The following TNS3 variants were observed in gnomAD, a reference collection of about 807,000 sequenced individuals.
TNS3 encodes the protein tensin 3, also known as tensin-3.
TNS3 carries 45 observed loss-of-function variants against 140.9 expected under a neutral mutation model. That is an observed-to-expected ratio of 0.32 (90% confidence interval 0.25 to 0.41). The LOEUF is 0.41. Ranked by LOEUF, TNS3 falls within the 10% of genes least tolerant of loss-of-function variation. The pLI is 1.00. For missense variants in TNS3, 1,716 were observed against 1,906.7 expected (o/e 0.90, Z 1.86); for synonymous variants, 815 against 788.4 (o/e 1.03, Z -0.56).
chr7:47,389,184 CAGA>C (rs145260005), intron 16 of TNS3, among the ~76,000 whole-genome samples: 44,697 of 75,496 alleles, frequency 0.59, 16,139 homozygotes, highest in South Asian at 0.68. Context: ...GCAGAAGAAG[CAGA>C]AGAAGAAGAA....
At chr7:47,553,335 T>C (rs1219644562) in intron 1 of TNS3, among the ~76,000 whole-genome samples, 2 of 152,210 alleles carry the variant, frequency 1.3e-5, no homozygotes, top group South Asian at 2.1e-4. Context: ...AGGACTTTCA[T>C]AGCCAGAGAG....
At chr7:47,515,511 G>A (rs1008584569) in intron 2 of TNS3, among the ~76,000 whole-genome samples, 1 of 151,398 alleles carries the variant, frequency 6.6e-6, no homozygotes, top group African/African-American at 2.4e-5. Flanking sequence ...CCATCATCAT[G>A]TCAACATAAT....
chr7:47,294,156 A>G (rs1230791100), intron 24 of TNS3, among the ~76,000 whole-genome samples: 2 of 150,738 alleles, frequency 1.3e-5, no homozygotes, highest in African/African-American at 4.9e-5. Context: ...CAGCTAAGAA[A>G]GAGGATCATG....
intron 16 of TNS3, among the ~76,000 whole-genome samples, chr7:47,379,209 G>A (rs1323862476): frequency 6.6e-6 from 1 of 152,220 alleles, no homozygotes; most frequent in East Asian, 1.9e-4. Flanking sequence ...AGGGGCTGCA[G>A]ACACCGAAAG....
chr7:47,387,738 C>A (rs1792156536), intron 16 of TNS3, among the ~76,000 whole-genome samples: 1 of 152,220 alleles, frequency 6.6e-6, no homozygotes, highest in Non-Finnish European at 1.5e-5. Flanking sequence ...CCAGACATTC[C>A]TTCAAGGCTG....
chr7:47,429,566 A>G (rs180945988), intron 8 of TNS3, among the ~76,000 whole-genome samples: 9 of 152,184 alleles, frequency 5.9e-5, no homozygotes, highest in African/African-American at 2.2e-4. Context: ...ATGGGGTTTC[A>G]CCATGTTAGC....
chr7:47,498,330 G>C (rs1202761393), intron 3 of TNS3, among the ~76,000 whole-genome samples: 1 of 152,230 alleles, frequency 6.6e-6, no homozygotes, highest in Admixed American at 6.5e-5. Flanking sequence ...AGGCAGACAG[G>C]CCTGGCCTGA....
intron 17 of TNS3, among the ~76,000 whole-genome samples, chr7:47,361,467 C>A (rs534295199): frequency 5.0e-4 from 76 of 152,304 alleles, no homozygotes; most frequent in African/African-American, 1.8e-3. Flanking sequence ...CTGAGCACCC[C>A]CAGCACGTTC....
intron 20 of TNS3, among the ~76,000 whole-genome samples, chr7:47,321,539 A>G (rs549933357): frequency 6.6e-6 from 1 of 152,326 alleles, no homozygotes; most frequent in South Asian, 2.1e-4. Context: ...GCTCCAATAT[A>G]ACAAGTGATG....
At chr7:47,537,795 T>C (rs1562842048) in intron 1 of TNS3, among the ~76,000 whole-genome samples, 1 of 152,112 alleles carries the variant, frequency 6.6e-6, no homozygotes, top group Non-Finnish European at 1.5e-5. Flanking sequence ...AGGCTTTTTT[T>C]CTAATTTGCT....
intron 1 of TNS3, among the ~76,000 whole-genome samples, chr7:47,578,234 C>A (rs1800719546): frequency 6.6e-6 from 1 of 152,010 alleles, no homozygotes; most frequent in South Asian, 2.1e-4. Context: ...TGCTTGAACC[C>A]AGGAGGCAGA....
chr7:47,397,190 C>T (rs1055020659), intron 15 of TNS3, among the ~76,000 whole-genome samples: 2 of 152,210 alleles, frequency 1.3e-5, no homozygotes, highest in Non-Finnish European at 2.9e-5. Context: ...CTTCAGACCA[C>T]CTCACTGATG....
At chr7:47,518,197 C>A (rs1798842056) in intron 2 of TNS3, among the ~76,000 whole-genome samples, 1 of 152,156 alleles carries the variant, frequency 6.6e-6, no homozygotes, top group Non-Finnish European at 1.5e-5. Context: ...CTCCAGACCA[C>A]CCTCTGTTGA....
At chr7:47,489,600 G>C (rs117089152) in intron 3 of TNS3, among the ~76,000 whole-genome samples, 2,974 of 152,328 alleles carry the variant, frequency 0.02, 51 homozygotes, top group Middle Eastern at 0.041. Flanking sequence ...GCTGGCCTCA[G>C]GCAAACAAGT....
intron 2 of TNS3, among the ~76,000 whole-genome samples, chr7:47,507,728 G>A (rs775726891): frequency 6.6e-6 from 1 of 152,190 alleles, no homozygotes; most frequent in Non-Finnish European, 1.5e-5. Flanking sequence ...GGCAGGCCTT[G>A]CAGGACAGGG....
At chr7:47,517,393 A>C (rs1318357700) in intron 2 of TNS3, among the ~76,000 whole-genome samples, 3 of 152,170 alleles carry the variant, frequency 2.0e-5, no homozygotes, top group South Asian at 2.1e-4. Flanking sequence ...AAAGCCACCC[A>C]CAGGGCAAGC....
intron 4 of TNS3, among the ~76,000 whole-genome samples, chr7:47,477,861 TG>T (rs926779795): frequency 2.1e-4 from 32 of 152,174 alleles, no homozygotes; most frequent in Admixed American, 1.4e-3. Context: ...CTCCGCTAAA[TG>T]GGGGGGTCTG....
rs1052327250 is a variant in TNS3, at chr7:47,486,065, AGT to A, written c.-114-4926_-114-4925del. ...GTGTGTGAGTGTGGGTGTGTGGGTG[AGT>A]GTGTGTGTGTGAGTGACTACATGTG... On this transcript the variant is annotated intron_variant, in intron 3 of 30. Transcript: ENST00000311160. 6.1e-5 allele frequency among the ~76,000 whole-genome samples: 9 copies of A among 148,422 alleles called. No homozygotes were observed. The East Asian group carries it at 7.9e-4, about 13-fold the overall frequency.
chr7:47,329,555 A>C (rs1788216680), intron 20 of TNS3, among the ~76,000 whole-genome samples: 8 of 152,212 alleles, frequency 5.3e-5, no homozygotes. Flanking sequence ...TGGGCCAGGA[A>C]GATCCCTGGG....
Sources: gnomAD v4.1 joint callset for allele counts (sites outside exome capture counted in the v4.1 genomes callset) on GRCh38, gnomAD v4.1.1 for gene constraint, MANE v1.5 for transcripts, NCBI Gene and HGNC (gene_info 2026-07-23, HGNC 2026-07-21) for gene names.